The following SPATA17 variants were observed in gnomAD, a reference collection of about 807,000 sequenced individuals.
SPATA17 encodes the protein spermatogenesis-associated protein 17.
Under a neutral mutation model 62.2 loss-of-function variants are expected in SPATA17, and 53 were observed. The observed-to-expected ratio is 0.85, with a 90% CI of 0.68 to 1.07. The LOEUF (loss-of-function observed/expected upper bound fraction) is 1.07. SPATA17 is among the 50% of genes least tolerant of loss of function. SPATA17 has a pLI of 0.00. For synonymous variants in SPATA17, 146 were observed against 146.8 expected, an observed-to-expected ratio of 0.99 and a Z score of 0.04; for missense variants, 466 against 425.5, an observed-to-expected ratio of 1.10 and a Z score of -0.84.
intron 1 of SPATA17, among the ~76,000 whole-genome samples, chr1:217,642,345 T>C (rs1360324856): frequency 6.6e-6 from 1 of 152,220 alleles, no homozygotes; most frequent in Non-Finnish European, 1.5e-5. Context: ...ACTCATAGTT[T>C]CCTATTTTAT....
At chr1:217,633,520 C>A (rs571976511) in intron 1 of SPATA17, among the ~76,000 whole-genome samples, 1 of 151,002 alleles carries the variant, frequency 6.6e-6, no homozygotes, top group Non-Finnish European at 1.5e-5. Flanking sequence ...CCAGGGCAGG[C>A]GGATGTCTTG....
At chr1:217,703,173 C>CATTTTTTTT (rs1558572175) in intron 5 of SPATA17, among the ~76,000 whole-genome samples, 1 of 101,244 alleles carries the variant, frequency 9.9e-6, no homozygotes, top group African/African-American at 4.4e-5. Context: ...TTGCGCTCGG[C>CATTTTTTTT]CTTTTTTTTT....
At chr1:217,681,010 C>T (rs902585235) in intron 4 of SPATA17, among the ~76,000 whole-genome samples, 8 of 148,148 alleles carry the variant, frequency 5.4e-5, no homozygotes, top group African/African-American at 5.0e-5. Flanking sequence ...AGGCAGATCA[C>T]GAGGTCAAGA....
In SPATA17 at chr1:217,847,932, C is replaced by A. The variant is rs891808217; in HGVS notation, c.1006-14842C>A. Among the ~76,000 whole-genome samples, 28 of 151,656 alleles carry A rather than the reference C, an allele frequency of 1.8e-4. 1 individual carries two copies. Among genetic ancestry groups the A allele is most frequent in the African/African-American group, 5.6e-4 (23 of 41,264 alleles). ...CTATAGTCCTAGCTATGTGGGAGGC[C>A]GATGTGGGAGAATTGTTTGAGCATG... On this transcript the variant is annotated intron_variant, in intron 9 of 10. Coordinates refer to ENST00000366933, the MANE Select transcript of SPATA17 (RefSeq NM_138796.4).
intron 5 of SPATA17, among the ~76,000 whole-genome samples, chr1:217,691,320 C>A (rs1169874700): frequency 3.7e-4 from 6 of 16,018 alleles, no homozygotes; most frequent in African/African-American, 1.7e-3. Flanking sequence ...GTCCTTTGCC[C>A]ACTTTTTGAT....
chr1:217,728,464 T>C (rs12401890), intron 5 of SPATA17, among the ~76,000 whole-genome samples: 7,339 of 152,284 alleles, frequency 0.048, 583 homozygotes, highest in African/African-American at 0.16. Flanking sequence ...AACAGAGCTA[T>C]TTCATCGTTG....
chr1:217,642,925 C>T (rs1670097884), intron 1 of SPATA17, among the ~76,000 whole-genome samples: 1 of 152,126 alleles, frequency 6.6e-6, no homozygotes, highest in Admixed American at 6.5e-5. Flanking sequence ...TTGTACTTTT[C>T]CTGCCAGCCC....
intron 5 of SPATA17, among the ~76,000 whole-genome samples, chr1:217,728,344 A>G (rs1358611670): frequency 2.0e-5 from 3 of 152,148 alleles, no homozygotes; most frequent in Non-Finnish European, 4.4e-5. Flanking sequence ...TTTTCACAAC[A>G]AATTTGTAAA....
intron 10 of SPATA17, among the ~76,000 whole-genome samples, chr1:217,864,473 T>G (rs1558081896): frequency 6.6e-6 from 1 of 152,064 alleles, no homozygotes; most frequent in Non-Finnish European, 1.5e-5. Flanking sequence ...CTTATTTCAC[T>G]TAAATATATA....
At chr1:217,711,545 G>A (rs1296780748) in intron 5 of SPATA17, among the ~76,000 whole-genome samples, 1 of 152,116 alleles carries the variant, frequency 6.6e-6, no homozygotes, top group East Asian at 1.9e-4. Flanking sequence ...AATCTTAACA[G>A]AAATCAGATT....
At chr1:217,782,541 A>G (rs1211054644) in intron 8 of SPATA17, among the ~76,000 whole-genome samples, 1 of 152,164 alleles carries the variant, frequency 6.6e-6, no homozygotes, top group South Asian at 2.1e-4. Context: ...GACAAAAAAA[A>G]GATCGGCATT....
chr1:217,796,372 T>TTAATAA (rs896443928), intron 8 of SPATA17, among the ~76,000 whole-genome samples: 1 of 151,742 alleles, frequency 6.6e-6, no homozygotes, highest in Non-Finnish European at 1.5e-5. Context: ...TTTGAGATTG[T>TTAATAA]TAATAATAAT....
intron 4 of SPATA17, among the ~76,000 whole-genome samples, chr1:217,672,985 C>T (rs1670865242): frequency 6.6e-6 from 1 of 152,098 alleles, no homozygotes; most frequent in Admixed American, 6.6e-5. Flanking sequence ...CTGAATAAAT[C>T]AATGAATGCT....
chr1:217,847,948 T>C (rs12742044), intron 9 of SPATA17, among the ~76,000 whole-genome samples: 44,141 of 151,768 alleles, frequency 0.29, 7,660 homozygotes, highest in Non-Finnish European at 0.38. Flanking sequence ...GGGAGAATTG[T>C]TTGAGCATGG....
At chr1:217,799,694 A>C (rs886791449) in intron 8 of SPATA17, among the ~76,000 whole-genome samples, 11 of 151,970 alleles carry the variant, frequency 7.2e-5, no homozygotes, top group Non-Finnish European at 1.6e-4. Context: ...AGAGGTATTA[A>C]AATTGATGAA....
chr1:217,631,537 A>G lies in SPATA17; in HGVS notation c.68+91A>G, dbSNP rs988290037. On this transcript the variant is annotated intron_variant, in intron 1 of 10. Coordinates refer to ENST00000366933, the MANE Select transcript of SPATA17 (RefSeq NM_138796.4). ...GGAGTTTCCAATTAACGATTTAACG[A>G]TTACCCTAATTCATTAAGTAGTACC... The G allele has an allele frequency of 7.5e-6, 10 of 1,335,750 alleles. No homozygotes were observed. In the Admixed American group the frequency reaches 1.4e-4, roughly 19 times the overall value. The allele number at this position is 1,335,750 out of a possible 1,614,324, so 82.7% of individuals were successfully genotyped here. A position where few individuals can be genotyped will look rare whatever the true frequency, so the allele number is the denominator to read the frequency against.
intron 9 of SPATA17, among the ~76,000 whole-genome samples, chr1:217,809,922 G>A (rs965352774): frequency 6.6e-6 from 1 of 152,136 alleles, no homozygotes; most frequent in African/African-American, 2.4e-5. Flanking sequence ...TTAAACATGT[G>A]TAATGTGATC....
At chr1:217,800,699 T>G (rs1229436950) in intron 8 of SPATA17, among the ~76,000 whole-genome samples, 1 of 152,188 alleles carries the variant, frequency 6.6e-6, no homozygotes, top group African/African-American at 2.4e-5. Context: ...GACATCTCAT[T>G]CTTCTGGCAC....
intron 4 of SPATA17, among the ~76,000 whole-genome samples, chr1:217,676,529 A>G (rs561935853): frequency 2.6e-5 from 4 of 152,284 alleles, no homozygotes; most frequent in South Asian, 2.1e-4. Context: ...TGCTGTTTCT[A>G]AATTAATGTT....
Sources: gnomAD v4.1 joint callset for allele counts (sites outside exome capture counted in the v4.1 genomes callset) on GRCh38, gnomAD v4.1.1 for gene constraint, MANE v1.5 for transcripts, NCBI Gene and HGNC (gene_info 2026-07-23, HGNC 2026-07-21) for gene names.